RARB: variants seen among roughly 807,000 people sequenced by gnomAD.
RARB encodes HBV-activated protein.
Under a neutral mutation model 51.9 loss-of-function variants are expected in RARB, and 17 were observed. That is an observed-to-expected ratio of 0.33 (90% CI 0.22 to 0.49). RARB has a LOEUF of 0.49. Ranked by LOEUF, RARB falls within the 20% of genes least tolerant of loss-of-function variation. The pLI, the probability that RARB is intolerant of heterozygous loss-of-function variation, is 0.99. For missense variants in RARB, 369 were observed against 550.8 expected (o/e 0.67, Z 3.30); for synonymous variants, 215 against 195.4 (o/e 1.10, Z -0.84).
chr3:25,557,073 G>A (rs1244127686), intron 3 of RARB, among the ~76,000 whole-genome samples: 2 of 151,814 alleles, frequency 1.3e-5, no homozygotes, highest in East Asian at 3.9e-4. Context: ...CTGTTTGGGT[G>A]TCTTTAGAGT....
intron 3 of RARB, among the ~76,000 whole-genome samples, chr3:25,130,947 T>TATTGATAA (rs1559477575): frequency 0.035 from 1,503 of 42,778 alleles, 71 homozygotes; most frequent in African/African-American, 0.11. Flanking sequence ...ATATCAATAT[T>TATTGATAA]TATTATTGAT....
chr3:24,908,814 C>G (rs1052076220), intron 2 of RARB, among the ~76,000 whole-genome samples: 2 of 151,918 alleles, frequency 1.3e-5, no homozygotes, highest in South Asian at 4.2e-4. Context: ...ATGAACATAC[C>G]TAGTAGACTC....
In RARB at chr3:25,493,457, G is replaced by A. The variant is rs547402468; in HGVS notation, c.307-7725G>A. Among the ~76,000 whole-genome samples, 7 of 152,320 alleles carry A rather than the reference G, an allele frequency of 4.6e-5. No individual in the cohort carries two copies. The East Asian group carries it at 9.6e-4, about 21-fold the overall frequency. On this transcript the variant is annotated intron_variant, in intron 2 of 7. Transcript: ENST00000330688. ...CTACTGGCAGCATTTACTACTGGCT[G>A]GAAATGAGCATTATTGGCAGCTCTC...
Position 24,981,179 on chromosome 3 carries a change from G to A in RARB, c.-379-78946G>A, listed in dbSNP as rs1040631139. On this transcript the variant is annotated intron_variant, in intron 2 of 11. Transcript: ENST00000383772. The stretch of plus-strand genomic sequence containing the variant: ...AGGGACCCATCTGTATGAGGTGTCC[G>A]TCAGCCCCTCCTGGGAGATGTCTCC... Among the ~76,000 whole-genome samples the A allele has an allele frequency of 3.3e-5, 5 of 152,148 alleles. No homozygotes were observed. In the East Asian group the frequency reaches 5.8e-4, roughly 18 times the overall value.
At chr3:25,055,826 G>A (rs1698429162) in intron 2 of RARB, among the ~76,000 whole-genome samples, 1 of 152,068 alleles carries the variant, frequency 6.6e-6, no homozygotes, top group Non-Finnish European at 1.5e-5. Flanking sequence ...CCTCTATGCA[G>A]CAAGCCTCCA....
intron 3 of RARB, among the ~76,000 whole-genome samples, chr3:25,066,515 C>T (rs2125306239): frequency 6.6e-6 from 1 of 152,226 alleles, no homozygotes; most frequent in African/African-American, 2.4e-5. Context: ...ACTTCTAGAA[C>T]TCCTGCTCCT....
chr3:24,995,264 C>T (rs183553348), intron 2 of RARB, among the ~76,000 whole-genome samples: 109 of 151,094 alleles, frequency 7.2e-4, no homozygotes, highest in African/African-American at 2.4e-3. Flanking sequence ...ATGGGATTGC[C>T]TTTTTTATGT....
chr3:25,159,441 A>C (rs1346419665), intron 4 of RARB, among the ~76,000 whole-genome samples: 1 of 140,694 alleles, frequency 7.1e-6, no homozygotes, highest in African/African-American at 2.7e-5. Context: ...AGCCTCCCAA[A>C]GTGCTGGGAT....
chr3:25,456,682 T>TATATATATATAGAG (rs1491372969), intron 1 of RARB, among the ~76,000 whole-genome samples: 3 of 88,362 alleles, frequency 3.4e-5, no homozygotes, highest in East Asian at 3.7e-4. Flanking sequence ...TATATATATA[T>TATATATATATAGAG]AGAGAGAGAG....
At chr3:25,354,204 C>A (rs61694119) in intron 5 of RARB, among the ~76,000 whole-genome samples, 1 of 151,954 alleles carries the variant, frequency 6.6e-6, no homozygotes, top group African/African-American at 2.4e-5. Flanking sequence ...TCAAGTTAGA[C>A]AAGTCTATAA....
intron 5 of RARB, among the ~76,000 whole-genome samples, chr3:25,278,616 G>C (rs1703449695): frequency 6.6e-6 from 1 of 152,176 alleles, no homozygotes; most frequent in Admixed American, 6.6e-5. Flanking sequence ...TCTTAGCTTT[G>C]ATAGATACCT....
Position 25,044,026 on chromosome 3 carries a change from A to ATT in RARB, c.-379-16090_-379-16089dup, listed in dbSNP as rs145869117. On this transcript the variant is annotated intron_variant, in intron 2 of 11. Transcript: ENST00000383772. ...CTCTGCAGACCTCTCAGGTTTTCCC[A>ATT]TTTTTTTTTTAATTAGAGTTTCAGT... Among the ~76,000 whole-genome samples the ATT allele has an allele frequency of 9.4e-5, 14 of 148,876 alleles. 1 individual carries two copies. Among genetic ancestry groups the ATT allele is most frequent in the Middle Eastern group, 7.0e-3 (2 of 286 alleles).
chr3:24,971,249 T>G (rs1418974692), intron 2 of RARB, among the ~76,000 whole-genome samples: 1 of 152,026 alleles, frequency 6.6e-6, no homozygotes, highest in African/African-American at 2.4e-5. Context: ...ATTATTATTC[T>G]TATTCAAAAG....
intron 2 of RARB, among the ~76,000 whole-genome samples, chr3:24,890,910 TTTG>T (rs1371056646): frequency 6.6e-6 from 1 of 152,168 alleles, no homozygotes; most frequent in Non-Finnish European, 1.5e-5. Flanking sequence ...GGCAAATTAC[TTTG>T]TTAAGGCTTT....
At chr3:25,308,448 C>CTTTTTTTTT (rs549224085) in intron 5 of RARB, among the ~76,000 whole-genome samples, 1 of 130,752 alleles carries the variant, frequency 7.6e-6, no homozygotes, top group Non-Finnish European at 1.6e-5. Flanking sequence ...TTCTTTCTTT[C>CTTTTTTTTT]TTTTTTTTTT....
intron 2 of RARB, among the ~76,000 whole-genome samples, chr3:24,931,452 G>C (rs959817158): frequency 6.6e-6 from 1 of 151,992 alleles, no homozygotes; most frequent in African/African-American, 2.4e-5. Flanking sequence ...CCATTAGGCT[G>C]TTGTCTACCT....
intron 5 of RARB, among the ~76,000 whole-genome samples, chr3:25,262,571 A>G (rs1034858139): frequency 2.0e-5 from 3 of 152,110 alleles, no homozygotes; most frequent in African/African-American, 7.2e-5. Flanking sequence ...TTCCACGTTC[A>G]TGGTCCCCTT....
intron 5 of RARB, among the ~76,000 whole-genome samples, chr3:25,197,592 G>C (rs55942234): frequency 0.079 from 12,015 of 152,030 alleles, 634 homozygotes; most frequent in Non-Finnish European, 0.12. Context: ...CAGTAAAGTT[G>C]TAGGATACAA....
chr3:25,023,639 T>C (rs1473755361), intron 2 of RARB, among the ~76,000 whole-genome samples: 1 of 152,176 alleles, frequency 6.6e-6, no homozygotes, highest in Non-Finnish European at 1.5e-5. Context: ...TTGGGATGCG[T>C]CCTGCCACTG....
Sources: allele counts gnomAD v4.1 joint callset (sites outside exome capture counted in the v4.1 genomes callset), GRCh38; gene constraint gnomAD v4.1.1; transcripts MANE v1.5; gene names NCBI Gene and HGNC (gene_info 2026-07-23, HGNC 2026-07-21).